Variants in LDHD observed in about 807,000 individuals in gnomAD.
LDHD encodes the protein lactate dehydrogenase D.
LDHD carries 58 observed loss-of-function variants against 52.9 expected under a neutral mutation model. The ratio of observed to expected loss-of-function variants is 1.10; its 90% CI spans 0.89 to 1.36. LDHD has a LOEUF of 1.36. Ranked by LOEUF, LDHD falls within the 40% of genes most tolerant of loss-of-function variation. LDHD has a pLI of 0.00. For missense variants in LDHD, 747 were observed against 668.0 expected (o/e 1.12, Z -1.30); for synonymous variants, 350 against 288.6 (o/e 1.21, Z -2.16).
Position 75,114,735 on chromosome 16 carries a change from C to G in LDHD, c.470-50G>C, listed in dbSNP as rs1210588894. 4 of 1,554,010 alleles carry G rather than the reference C, an allele frequency of 2.6e-6. No homozygotes were observed. The African/African-American group carries it at 5.5e-5, about 21-fold the overall frequency. ...GCCTCAGGGACCGGAGGTCCTTTCC[C>G]TCGGGCTGGGGGAGGAAGGTCCCCT... On this transcript the variant is annotated intron_variant, in intron 4 of 10. Transcript: ENST00000450168.
At position 75,115,179 on chromosome 16, in the gene LDHD, C is replaced by G. The variant is rs763491652; in HGVS notation, c.327+19G>C. On this transcript the variant is annotated intron_variant, in intron 3 of 10. Coordinates refer to ENST00000450168, the MANE Select transcript of LDHD (RefSeq NM_194436.3). ...GTGCTGGGACCATCCTCGGGCCGGG[C>G]GAGGGAGCCCCACTGTACCTGCACA... 3 of 1,605,534 alleles carry G rather than the reference C, an allele frequency of 1.9e-6. No homozygotes were observed. The African/African-American group carries it at 4.0e-5, about 21-fold the overall frequency.
In LDHD at chr16:75,114,973, TTGGGGCAGGTGCTAAGACCAC is replaced by T; in HGVS notation, c.328-26_328-6del. 6.2e-7 allele frequency: 1 copy of T among 1,608,032 alleles called. No individual in the cohort carries two copies. On this transcript the variant is annotated splice_region_variant and splice_polypyrimidine_tract_variant and intron_variant, in intron 3 of 10. Coordinates refer to ENST00000450168, the MANE Select transcript of LDHD (RefSeq NM_194436.3). ...CAGGTTAACGCAGACGCCGCCCTGG[TTGGGGCAGGTGCTAAGACCAC>T]TGCAGACCTGGGTCTCTGACCTGGC...
At chr16:75,113,031 C>T (rs543127176) in intron 8 of LDHD, 107 bp from the exon 9 acceptor site, 2 of 764,068 alleles carry the variant, frequency 2.6e-6, no homozygotes, top group South Asian at 3.1e-5. Context: ...AGCTCTTGGC[C>T]TCACACAAGG....
rs1386117202 is a variant in LDHD, at chr16:75,113,589, C to G, written c.1032G>C (p.Trp344Cys). Residue 344 changes from tryptophan to cysteine, a missense_variant, in exon 8 of 11, where the codon TGG becomes TGC. Transcript: ENST00000450168. ...AKEAEERSRL[W>C]TARHNAWYAA... ...CGTACCAGGCATTGTGCCGTGCTGT[C>G]CAAAGCCGGCTGCGCTCCTCGGCCT... 3 of 1,613,090 alleles carry G rather than the reference C, an allele frequency of 1.9e-6. No individual in the cohort carries two copies. The highest frequency in any genetic ancestry group is 2.5e-6 in the Non-Finnish European group (3 of 1,179,980).
In LDHD at chr16:75,113,851, C is replaced by T. The variant is rs181568415; in HGVS notation, c.849G>A (p.Met283Ile). ...TGCTGTACCTGTTGCAGGCATCCAT[C>T]ATGACTTCATCCAGGAACTCTGGAT... is the stretch of plus-strand genomic sequence containing the variant. The part of the protein sequence containing the change: ...VARIEFLDEV[M>I]MDACNRYSKL... The change falls in exon 7 of 11, where the codon ATG becomes ATA. Residue 283 changes from methionine to isoleucine, a missense_variant. Met to Ile is a conservative substitution (Grantham distance 10). Coordinates refer to ENST00000450168, the MANE Select transcript of LDHD (RefSeq NM_194436.3). 205 of 1,614,042 alleles carry T rather than the reference C, an allele frequency of 1.3e-4. 2 individuals are homozygous for T. In the Admixed American group the frequency reaches 3.3e-3, roughly 26 times the overall value.
Position 75,114,015 on chromosome 16 carries a change from C to T in LDHD, c.780G>A (p.Val260=), listed in dbSNP as rs774982046. The T allele has an allele frequency of 1.2e-6, 2 of 1,607,366 alleles. No homozygotes were observed. The highest frequency in any genetic ancestry group is 1.7e-6 in the Non-Finnish European group (2 of 1,178,186). Residue 260 remains valine (V), a synonymous_variant, in exon 6 of 11, where the codon GTG becomes GTA. Coordinates refer to ENST00000450168, the MANE Select transcript of LDHD (RefSeq NM_194436.3). The part of the protein sequence containing the change: ...TCAFPSVQAA[V]DSTVHILQAA... ...CCTGGAGGATGTGTACAGTGCTGTCCACAGCAGCCTGGACACTGGGGAACG... is the reference window on the plus strand; with the variant it reads ...CCTGGAGGATGTGTACAGTGCTGTCTACAGCAGCCTGGACACTGGGGAACG...
chr16:75,116,761 G>A lies in LDHD; in HGVS notation c.-41C>T, dbSNP rs2036566249. 1 of 1,388,726 alleles carries A rather than the reference G, an allele frequency of 7.2e-7. No homozygotes were observed. Among genetic ancestry groups the A allele is most frequent in the African/African-American group, 1.5e-5 (1 of 67,752 alleles). 86.0% of individuals were successfully genotyped at this position (1,388,726 alleles called of 1,614,324 possible). On this transcript the variant is annotated 5_prime_UTR_variant, in exon 1 of 11. Coordinates refer to ENST00000450168, the MANE Select transcript of LDHD (RefSeq NM_194436.3). ...AGAGGGTGTGAGCACTGGGTGGCAG[G>A]GTGACCAGTCAGCTACTGTGGCAGC...
At position 75,113,568 on chromosome 16, in the gene LDHD, C is replaced by T; in HGVS notation, c.1053G>A (p.Trp351Ter). The T allele has an allele frequency of 1.2e-6, 2 of 1,612,914 alleles. No homozygotes were observed. The highest frequency in any genetic ancestry group is 1.7e-6 in the Non-Finnish European group (2 of 1,179,848). ...CTGGCCGCGTGGCCAGGGCTGCGTA[C>T]CAGGCATTGTGCCGTGCTGTCCAAA... ...SRLWTARHNA[W>*]YAALATRPGC... is the part of the protein sequence containing the mutation. Residue 351 changes from tryptophan (W) to a stop codon, truncating the protein, a stop_gained, in exon 8 of 11, where the codon TGG becomes TGA. Coordinates refer to ENST00000450168, the MANE Select transcript of LDHD (RefSeq NM_194436.3). LOFTEE classifies it high-confidence loss of function.
rs770295046 is a variant in LDHD at position 75,113,515 on chromosome 16, G to T, written c.1086+20C>A. On this transcript the variant is annotated intron_variant, in intron 8 of 10. Transcript: ENST00000450168. ...GTGGGCCGAGCTGTGGGCCCCATCT[G>T]TACCCCAGCCCCAGCTCACCTTGCA... is the stretch of plus-strand genomic sequence containing the variant. 16 of 1,595,768 alleles carry T rather than the reference G, an allele frequency of 1.0e-5. No individual in the cohort carries two copies. The highest frequency in any genetic ancestry group is 1.4e-5 in the Non-Finnish European group (16 of 1,172,378).
chr16:75,112,639 G>T lies in LDHD; in HGVS notation c.1252C>A (p.Leu418Met). ...TCTGCAAAAGCCTTGACCCTGCCCA[G>T]TTCCTCGGCGTCATCAGGGTTGACC... ...LLVNPDDAEE[L>M]GRVKAFAEQL... The change falls in exon 10 of 11, where the codon CTG becomes ATG. Residue 418 changes from leucine (L) to methionine (M), a missense_variant. By Grantham distance (15) the Leu-to-Met change is conservative (BLOSUM62 2). Transcript: ENST00000450168. 1 of 1,614,122 alleles carries T rather than the reference G, an allele frequency of 6.2e-7. No homozygotes were observed. The highest frequency in any genetic ancestry group is 1.3e-5 in the African/African-American group (1 of 75,058).
In LDHD at chr16:75,114,129, G is replaced by A. The variant is rs141944225; in HGVS notation, c.666C>T (p.Phe222=). The A allele has an allele frequency of 2.1e-4, 332 of 1,612,782 alleles. No homozygotes were observed. In the African/African-American group the frequency reaches 4.2e-3, roughly 20 times the overall value. ...GGCCCAGCGTCCCCTCGGAGCCCAC[G>A]AAGAGCCCCGTGAGGTTGTAGCCGG... ...SAAGYNLTGL[F]VGSEGTLGLI... The change falls in exon 6 of 11, where the codon TTC becomes TTT. Residue 222 remains phenylalanine, a synonymous_variant. Transcript: ENST00000450168.
rs776700578 is a variant in LDHD at position 75,114,823 on chromosome 16, C to T, written c.469+4G>A. On this transcript the variant is annotated splice_donor_region_variant and intron_variant, in intron 4 of 10. Coordinates refer to ENST00000450168, the MANE Select transcript of LDHD (RefSeq NM_194436.3). ...GGGTCCCAGGAAAGGTTCGCGAGTCCTACCCACGGGAAACCAGAGGCCGCT... is the reference window on the plus strand; with the variant it reads ...GGGTCCCAGGAAAGGTTCGCGAGTCTTACCCACGGGAAACCAGAGGCCGCT... The T allele has an allele frequency of 6.5e-5, 104 of 1,611,448 alleles. No individual in the cohort carries two copies. The highest frequency in any genetic ancestry group is 8.5e-7 in the Non-Finnish European group (1 of 1,178,836).
At chr16:75,114,737 C>T (rs766808423) in intron 4 of LDHD, 52 bp from the exon 5 acceptor site, 223 of 1,554,504 alleles carry the variant, frequency 1.4e-4, no homozygotes, top group Non-Finnish European at 1.8e-4. Flanking sequence ...TCCTTTCCCT[C>T]GGGCTGGGGG....
chr16:75,113,469 G>C, intron 8 of LDHD, 66 bp downstream of exon 8: 2 of 1,527,870 alleles, frequency 1.3e-6, no homozygotes, highest in Non-Finnish European at 1.8e-6. Context: ...GCAGTAGAGT[G>C]GTGGGTTGAG....
chr16:75,113,250 G>A (rs1283582297), intron 8 of LDHD, among the ~76,000 whole-genome samples: 1 of 152,142 alleles, frequency 6.6e-6, no homozygotes, highest in Non-Finnish European at 1.5e-5. Context: ...CTTCCTCCAG[G>A]AAGCCTTCCT....
At chr16:75,115,122 G>A in intron 3 of LDHD, 76 bp downstream of exon 3, 2 of 1,549,654 alleles carry the variant, frequency 1.3e-6, no homozygotes, top group Non-Finnish European at 8.7e-7. Flanking sequence ...TGCCGTGTGT[G>A]GCGGGGGAGG....
Position 75,113,746 on chromosome 16 carries a change from G to A in LDHD, c.954C>T (p.Arg318=), listed in dbSNP as rs1398055828. 6 of 1,613,750 alleles carry A rather than the reference G, an allele frequency of 3.7e-6. No individual in the cohort carries two copies. The East Asian group carries it at 1.3e-4, about 36-fold the overall frequency. Residue 318 remains arginine (R), a synonymous_variant, in exon 7 of 11, where the codon CGC becomes CGT. Transcript: ENST00000450168. Reference sequence around the variant, plus strand: ...CCCCACTCCACCCCAGCATACCTGTGCGCTGCAGCTGCTCCTCCAGTGCCT... The same window carrying A: ...CCCCACTCCACCCCAGCATACCTGTACGCTGCAGCTGCTCCTCCAGTGCCT... ...SQQALEEQLQ[R]TEEIVQQNGA... is the part of the protein sequence containing the mutation.
chr16:75,115,015 C>T (rs778640386), intron 3 of LDHD, 47 bp from the exon 4 acceptor site: 138 of 1,578,040 alleles, frequency 8.7e-5, no homozygotes, highest in Middle Eastern at 1.7e-4. Context: ...GGTCTCTGAC[C>T]TGGCCACGTC....
chr16:75,114,467 G>C (rs2036488935), intron 5 of LDHD, 59 bp downstream of exon 5: 4 of 1,441,564 alleles, frequency 2.8e-6, no homozygotes, highest in Non-Finnish European at 3.6e-6. Context: ...GGTCTCTGCA[G>C]GGCAGCCCGC....
Sources: gnomAD v4.1 joint callset for allele counts (sites outside exome capture counted in the v4.1 genomes callset) on GRCh38, gnomAD v4.1.1 for gene constraint, MANE v1.5 for transcripts, NCBI Gene and HGNC (gene_info 2026-07-23, HGNC 2026-07-21) for gene names.